Variants in ZNF480 observed in about 807,000 individuals in gnomAD.
ZNF480 encodes zinc finger protein 480.
A neutral mutation model predicts 14.4 loss-of-function variants in ZNF480; 15 were observed. The observed-to-expected ratio is 1.04, with a 90% CI of 0.70 to 1.60. ZNF480 has a LOEUF of 1.60. ZNF480 is among the 40% of genes most tolerant of loss of function. ZNF480 has a pLI of 0.00. For synonymous variants in ZNF480, 218 were observed against 215.5 expected (o/e 1.01, Z -0.10); for missense variants, 593 against 629.7 (o/e 0.94, Z 0.62).
chr19:52,318,333 C>T (rs1306282126), intron 4 of ZNF480, among the ~76,000 whole-genome samples: 4 of 152,068 alleles, frequency 2.6e-5, no homozygotes, highest in South Asian at 2.1e-4. Context: ...GTCTTGAACT[C>T]CTGACCTCAG....
At chr19:52,317,067 A>C (rs1236229498) in intron 4 of ZNF480, among the ~76,000 whole-genome samples, 1 of 151,804 alleles carries the variant, frequency 6.6e-6, no homozygotes, top group African/African-American at 2.4e-5. Context: ...GCCCAGGCTG[A>C]AGTGCAGTGG....
At chr19:52,303,200 A>G (rs1982779158) in intron 2 of ZNF480, among the ~76,000 whole-genome samples, 1 of 152,230 alleles carries the variant, frequency 6.6e-6, no homozygotes, top group African/African-American at 2.4e-5. Flanking sequence ...TTTTTGATCC[A>G]GAGTAAGAAG....
intron 4 of ZNF480, among the ~76,000 whole-genome samples, chr19:52,318,105 ATAATTATT>A (rs1381581341): frequency 1.9e-5 from 2 of 104,862 alleles, no homozygotes; most frequent in Non-Finnish European, 4.4e-5. Flanking sequence ...ATTATTTTAA[ATAATTATT>A]TATTTATTTT....
rs151222328 is a variant in ZNF480, at chr19:52,299,917, G to A, written c.-19-477G>A. 3.4e-3 allele frequency among the ~76,000 whole-genome samples: 518 copies of A among 152,288 alleles called. 16 individuals are homozygous for A. Among genetic ancestry groups the A allele is most frequent in the Admixed American group, 0.03 (458 of 15,294 alleles). ...CAATGTTGGCCAGGGTGGAATAAATGGAGTTCAGTACTGTTTGAAGTTCCA... is the reference window on the plus strand; with the variant it reads ...CAATGTTGGCCAGGGTGGAATAAATAGAGTTCAGTACTGTTTGAAGTTCCA... On this transcript the variant is annotated intron_variant, in intron 1 of 4. Coordinates refer to ENST00000595962, the MANE Select transcript of ZNF480 (RefSeq NM_144684.4).
At position 52,322,730 on chromosome 19, in the gene ZNF480, C is replaced by A; in HGVS notation, c.1480C>A (p.Arg494=). The A allele has an allele frequency of 6.2e-7, 1 of 1,611,418 alleles. No homozygotes were observed. Among genetic ancestry groups the A allele is most frequent in the Non-Finnish European group, 8.5e-7 (1 of 1,178,660 alleles). Residue 494 remains arginine (R), a synonymous_variant, in exon 5 of 5, where the codon CGA becomes AGA. Transcript: ENST00000595962. ...KCNECGKVFN[R]IAHLARHRKI... is the part of the protein sequence containing the mutation. Reference sequence around the variant, plus strand: ...TAATGAATGTGGCAAGGTCTTCAATCGAATTGCACACCTTGCACGACATCG... The same window carrying A: ...TAATGAATGTGGCAAGGTCTTCAATAGAATTGCACACCTTGCACGACATCG...
intron 4 of ZNF480, among the ~76,000 whole-genome samples, chr19:52,320,254 G>T (rs970866119): frequency 5.9e-5 from 9 of 152,140 alleles, no homozygotes; most frequent in Admixed American, 5.9e-4. Flanking sequence ...TTCCTCCTTT[G>T]TTTAATATCC....
chr19:52,315,831 C>A lies in ZNF480; in HGVS notation c.200-3C>A. ...ACATTTTGATTTTTTTTTTTACAAA[C>A]AGGAATCTCTCTTCCTGACCTGAAT... On this transcript the variant is annotated splice_region_variant and splice_polypyrimidine_tract_variant and intron_variant, in intron 3 of 4. Coordinates refer to ENST00000595962, the MANE Select transcript of ZNF480 (RefSeq NM_144684.4). 6.2e-7 allele frequency: 1 copy of A among 1,600,570 alleles called. No individual in the cohort carries two copies. Among genetic ancestry groups the A allele is most frequent in the Non-Finnish European group, 8.5e-7 (1 of 1,173,106 alleles).
intron 2 of ZNF480, chr19:52,307,593 CAG>C (rs1983004020): frequency 6.6e-6 from 1 of 152,218 alleles, no homozygotes; most frequent in Non-Finnish European, 1.5e-5. Context: ...AAAGTGTGAT[CAG>C]GGGGCCAACA....
intron 2 of ZNF480, among the ~76,000 whole-genome samples, chr19:52,312,993 G>T (rs896577494): frequency 1.3e-5 from 2 of 151,828 alleles, no homozygotes; most frequent in Non-Finnish European, 2.9e-5. Flanking sequence ...GCTGATTTTT[G>T]TATTTTTAGT....
In ZNF480 at chr19:52,322,874, C is replaced by A; in HGVS notation, c.*16C>A. 6.5e-7 allele frequency: 1 copy of A among 1,537,736 alleles called. No individual in the cohort carries two copies. The highest frequency in any genetic ancestry group is 8.8e-7 in the Non-Finnish European group (1 of 1,140,518). ...TATGGGATAGAAACTACAAATGCAA[C>A]AAATGCGTCAAAGAATTTAGTGTGC... On this transcript the variant is annotated 3_prime_UTR_variant, in exon 5 of 5. Transcript: ENST00000595962.
chr19:52,320,402 C>T (rs1983756591), intron 4 of ZNF480, among the ~76,000 whole-genome samples: 1 of 152,112 alleles, frequency 6.6e-6, no homozygotes, highest in Non-Finnish European at 1.5e-5. Flanking sequence ...CCTGTAATCC[C>T]AACACTTTGG....
intron 4 of ZNF480, among the ~76,000 whole-genome samples, chr19:52,318,343 G>A (rs1301664730): frequency 6.6e-6 from 1 of 151,994 alleles, no homozygotes; most frequent in Non-Finnish European, 1.5e-5. Context: ...CCTGACCTCA[G>A]GTGATCTACC....
At chr19:52,314,914 G>C (rs937268857) in intron 3 of ZNF480, among the ~76,000 whole-genome samples, 4 of 152,016 alleles carry the variant, frequency 2.6e-5, no homozygotes, top group Non-Finnish European at 4.4e-5. Flanking sequence ...CAGATGTTCT[G>C]TCCCCTTCAT....
At chr19:52,310,327 G>C (rs1042160477) in intron 2 of ZNF480, among the ~76,000 whole-genome samples, 2 of 152,098 alleles carry the variant, frequency 1.3e-5, no homozygotes, top group Admixed American at 1.3e-4. Flanking sequence ...AAAATGCTGG[G>C]ATTACAGGCA....
chr19:52,321,956 T>G lies in ZNF480; in HGVS notation c.706T>G (p.Cys236Gly). The change falls in exon 5 of 5, where the codon TGC (cysteine) becomes GGC (glycine). Residue 236 changes from cysteine to glycine, a missense_variant. By Grantham distance (159) the Cys-to-Gly change is radical. Transcript: ENST00000595962. ...TVEKPYKCNS[C>G]GKVFSRNSHL... ...AGAGAAACCTTACAAATGTAATTCA[T>G]GCGGCAAGGTCTTTAGTCGCAATTC... is the stretch of plus-strand genomic sequence containing the variant. The G allele has an allele frequency of 6.2e-7, 1 of 1,612,466 alleles. No homozygotes were observed.
chr19:52,321,103 A>G (rs1429195297), intron 4 of ZNF480, among the ~76,000 whole-genome samples: 7 of 151,800 alleles, frequency 4.6e-5, no homozygotes, highest in African/African-American at 1.7e-4. Flanking sequence ...TTTTTGGATT[A>G]GGTTTGGTAA....
intron 3 of ZNF480, among the ~76,000 whole-genome samples, chr19:52,314,835 T>C (rs1983474434): frequency 6.6e-6 from 1 of 151,744 alleles, no homozygotes; most frequent in Admixed American, 6.6e-5. Flanking sequence ...AACAAAAAAC[T>C]AAAAACCTTG....
rs1199898441 is a variant in ZNF480 at position 52,300,780 on chromosome 19, C to T, written c.72+296C>T. On this transcript the variant is annotated intron_variant, in intron 2 of 4. Transcript: ENST00000595962. The stretch of plus-strand genomic sequence containing the variant: ...ACCCACATATTTATTGACAGCAAGC[C>T]ATTGATAAGCATTGTTTCTATAGAT... 23 of 454,368 alleles carry T rather than the reference C, an allele frequency of 5.1e-5. No individual in the cohort carries two copies. In the Admixed American group the frequency reaches 7.2e-4, roughly 14 times the overall value. 28.1% of individuals were successfully genotyped at this position (454,368 alleles called of 1,614,324 possible).
chr19:52,318,129 A>G (rs934128751), intron 4 of ZNF480, among the ~76,000 whole-genome samples: 55 of 151,778 alleles, frequency 3.6e-4, no homozygotes, highest in African/African-American at 1.3e-3. Flanking sequence ...ATTTTTTGAG[A>G]CGGAGTCTTG....
Sources: gnomAD v4.1 joint callset for allele counts (sites outside exome capture counted in the v4.1 genomes callset) on GRCh38, gnomAD v4.1.1 for gene constraint, MANE v1.5 for transcripts, NCBI Gene and HGNC (gene_info 2026-07-23, HGNC 2026-07-21) for gene names.